Variants in SEMA3D observed in about 807,000 individuals in gnomAD.
SEMA3D encodes the protein semaphorin 3D, also known as semaphorin-3D.
SEMA3D carries 84 observed loss-of-function variants against 100.1 expected under a neutral mutation model. The ratio of observed to expected loss-of-function variants is 0.84; its 90% confidence interval spans 0.70 to 1.01. The LOEUF is 1.01. Ranked by LOEUF, SEMA3D falls within the 50% of genes least tolerant of loss-of-function variation. SEMA3D has a pLI of 0.00. For synonymous variants in SEMA3D, 312 were observed against 320.7 expected, an observed-to-expected ratio of 0.97 and a Z score of 0.29; for missense variants, 875 against 934.1, an observed-to-expected ratio of 0.94 and a Z score of 0.82.
rs1791300360 is a variant in SEMA3D, at chr7:85,055,797, A to G, written c.781T>C (p.Tyr261His). The change falls in exon 9 of 19, where the codon TAT becomes CAT. Residue 261 changes from tyrosine (Y) to histidine (H), a missense_variant. By Grantham distance (83) the Tyr-to-His change is moderately conservative. Transcript: ENST00000284136. ...DTYNPDDDKI[Y>H]FFFRESSQEG... ...TGAGATGATTCACGAAAGAAGAAAT[A>G]TATTTTATCATCATCTGGATTGTAG... 3 of 1,572,050 alleles carry G rather than the reference A, an allele frequency of 1.9e-6. No homozygotes were observed. The highest frequency in any genetic ancestry group is 1.4e-5 in the African/African-American group (1 of 73,922).
intron 1 of SEMA3D, among the ~76,000 whole-genome samples, chr7:85,165,344 G>C (rs563107664): frequency 2.0e-5 from 3 of 151,988 alleles, no homozygotes; most frequent in Non-Finnish European, 2.9e-5. Context: ...TTTCACAGTA[G>C]AGAAATCATT....
At chr7:85,155,322 T>C (rs756210374) in intron 1 of SEMA3D, among the ~76,000 whole-genome samples, 13 of 152,190 alleles carry the variant, frequency 8.5e-5, no homozygotes, top group Non-Finnish European at 1.8e-4. Flanking sequence ...GATAAAAATA[T>C]ATAACTAAAT....
At chr7:85,016,859 A>G (rs542515704) in intron 15 of SEMA3D, among the ~76,000 whole-genome samples, 1 of 144,546 alleles carries the variant, frequency 6.9e-6, no homozygotes, top group East Asian at 2.1e-4. Context: ...GGCTCAAGGT[A>G]TCCTCCCATT....
chr7:85,018,113 G>A, intron 15 of SEMA3D, 139 bp downstream of exon 15: 5 of 672,648 alleles, frequency 7.4e-6, no homozygotes, highest in Non-Finnish European at 1.3e-5. Context: ...GGTCTCTAAT[G>A]AATTACAAGA....
the SEMA3D span, among the ~76,000 whole-genome samples, chr7:85,201,974 C>T: frequency 0.015 from 2,211 of 152,022 alleles, 30 homozygotes; most frequent in East Asian, 0.069. Context: ...CTCACCTCAT[C>T]ATCTCAATAT....
At chr7:85,210,975 G>A in the SEMA3D span, among the ~76,000 whole-genome samples, 1 of 151,978 alleles carries the variant, frequency 6.6e-6, no homozygotes, top group Admixed American at 6.6e-5. Context: ...GTAGATGCTG[G>A]AGAGAAAATG....
intron 10 of SEMA3D, 122 bp downstream of exon 10, chr7:85,042,049 C>T (rs1472852285): frequency 4.1e-6 from 3 of 730,104 alleles, no homozygotes; most frequent in Non-Finnish European, 4.8e-6. Flanking sequence ...TAGTAAGAAC[C>T]ACTCCTGTAA....
At chr7:85,195,992 T>G in the SEMA3D span, among the ~76,000 whole-genome samples, 1 of 152,166 alleles carries the variant, frequency 6.6e-6, no homozygotes, top group Non-Finnish European at 1.5e-5. Context: ...CAGGAATTGC[T>G]GAGATAAAAT....
At chr7:85,210,945 A>C in the SEMA3D span, among the ~76,000 whole-genome samples, 1 of 152,056 alleles carries the variant, frequency 6.6e-6, no homozygotes, top group Non-Finnish European at 1.5e-5. Context: ...TTGAAAGTCT[A>C]CTAAGAGACA....
In SEMA3D at chr7:85,121,797, A is replaced by T. The variant is rs773622573; in HGVS notation, c.95T>A (p.Leu32His). 2.5e-6 allele frequency: 4 copies of T among 1,609,892 alleles called. No individual in the cohort carries two copies. In the South Asian group the frequency reaches 3.3e-5, roughly 13 times the overall value. Reference protein sequence around the residue: ...LMMLSMTMLFLPVTGTLKQNI... With the variant: ...LMMLSMTMLFHPVTGTLKQNI... ...TTGCTTCAAAGTGCCAGTGACTGGA[A>T]GAAACAACATGGTCATGCTTAGCAT... The change falls in exon 3 of 19, where the codon CTT becomes CAT. Residue 32 changes from leucine to histidine, a missense_variant. Leu to His is a moderately conservative substitution (Grantham distance 99). Transcript: ENST00000284136.
the SEMA3D span, among the ~76,000 whole-genome samples, chr7:85,229,885 A>T: frequency 6.6e-6 from 1 of 152,224 alleles, no homozygotes; most frequent in South Asian, 2.1e-4. Context: ...CTATTTTTAA[A>T]TGTAAGTAAG....
At chr7:85,094,272 C>T (rs1788483376) in intron 4 of SEMA3D, among the ~76,000 whole-genome samples, 1 of 151,842 alleles carries the variant, frequency 6.6e-6, no homozygotes, top group Admixed American at 6.6e-5. Flanking sequence ...TATTCAAGTT[C>T]CTAAGAAAAA....
intron 2 of SEMA3D, among the ~76,000 whole-genome samples, chr7:85,143,722 T>C (rs1269158558): frequency 1.6e-5 from 2 of 126,904 alleles, no homozygotes; most frequent in Admixed American, 7.7e-5. Context: ...ATATGAGACA[T>C]GTAATTTTTT....
intron 10 of SEMA3D, 118 bp downstream of exon 10, chr7:85,042,053 C>A (rs1265894310): frequency 1.3e-6 from 1 of 760,216 alleles, no homozygotes; most frequent in Non-Finnish European, 2.3e-6. Flanking sequence ...AAGAACCACT[C>A]CTGTAAGGTT....
intron 7 of SEMA3D, among the ~76,000 whole-genome samples, chr7:85,066,694 GA>G (rs530610128): frequency 4.0e-4 from 61 of 152,126 alleles, no homozygotes; most frequent in African/African-American, 1.3e-3. Context: ...GCCTAAATAT[GA>G]GAACAAATAC....
At chr7:85,010,002 A>T (rs1789907324) in intron 17 of SEMA3D, among the ~76,000 whole-genome samples, 1 of 151,424 alleles carries the variant, frequency 6.6e-6, no homozygotes, top group South Asian at 2.1e-4. Flanking sequence ...GAAAATACCA[A>T]GGGCAAAAAA....
chr7:85,249,842 A>G, the SEMA3D span, among the ~76,000 whole-genome samples: 1 of 152,148 alleles, frequency 6.6e-6, no homozygotes, highest in Non-Finnish European at 1.5e-5. Context: ...TAAAAATTAA[A>G]TTTTCGATAC....
chr7:85,142,243 A>G (rs1790073283), intron 2 of SEMA3D: 1 of 980,706 alleles, frequency 1.0e-6, no homozygotes, highest in Non-Finnish European at 1.2e-6. Context: ...CTCTCTACCA[A>G]TATAATAAAT....
chr7:85,131,355 G>C (rs968675294), intron 2 of SEMA3D, among the ~76,000 whole-genome samples: 6 of 151,990 alleles, frequency 3.9e-5, no homozygotes, highest in Admixed American at 6.6e-5. Flanking sequence ...GAAAGTGATG[G>C]TTTGAATCTG....
Sources: gnomAD v4.1 joint callset for allele counts (sites outside exome capture counted in the v4.1 genomes callset) on GRCh38, gnomAD v4.1.1 for gene constraint, MANE v1.5 for transcripts, NCBI Gene and HGNC (gene_info 2026-07-23, HGNC 2026-07-21) for gene names.